The following AFAP1L2 variants were observed in gnomAD, a reference collection of about 807,000 sequenced individuals.
AFAP1L2 encodes the protein actin filament associated protein 1 like 2.
In AFAP1L2, 46 loss-of-function variants were observed where a neutral mutation model predicts 99.3. That is an observed-to-expected ratio of 0.46 (90% CI 0.37 to 0.59). The LOEUF is 0.59. AFAP1L2 is among the 20% of genes least tolerant of loss of function. The pLI, the probability that AFAP1L2 is intolerant of heterozygous loss-of-function variation, is 0.00. For synonymous variants in AFAP1L2, 397 were observed against 419.1 expected, an observed-to-expected ratio of 0.95 and a Z score of 0.64; for missense variants, 959 against 1,034.9, an observed-to-expected ratio of 0.93 and a Z score of 1.01.
At chr10:114,338,136 T>C (rs2048263821) in intron 2 of AFAP1L2, among the ~76,000 whole-genome samples, 4 of 152,222 alleles carry the variant, frequency 2.6e-5, no homozygotes, top group African/African-American at 9.6e-5. Flanking sequence ...TACGACTGCT[T>C]ATTCAGAGAA....
intron 1 of AFAP1L2, among the ~76,000 whole-genome samples, chr10:114,358,563 T>C (rs2051732196): frequency 6.6e-6 from 1 of 152,080 alleles, no homozygotes; most frequent in Non-Finnish European, 1.5e-5. Flanking sequence ...CTTCTTTCAA[T>C]GACAAATAAC....
intron 1 of AFAP1L2, among the ~76,000 whole-genome samples, chr10:114,372,287 C>T (rs2054220006): frequency 2.0e-5 from 3 of 152,234 alleles, no homozygotes; most frequent in Admixed American, 6.5e-5. Context: ...TGCCATTCTT[C>T]ATTCCAACAG....
downstream of AFAP1L2, among the ~76,000 whole-genome samples, chr10:114,293,534 G>C (rs1041349746): frequency 1.3e-5 from 2 of 152,050 alleles, no homozygotes; most frequent in African/African-American, 4.8e-5. Context: ...TTCAGCTTTT[G>C]TCAGTCCCCC....
intron 1 of AFAP1L2, among the ~76,000 whole-genome samples, chr10:114,373,237 T>C (rs2054357872): frequency 6.6e-6 from 1 of 152,152 alleles, no homozygotes; most frequent in African/African-American, 2.4e-5. Flanking sequence ...TGAGACCCTG[T>C]CTCAAATTTT....
At position 114,295,593 on chromosome 10, in the gene AFAP1L2, C is replaced by CAA; in HGVS notation, c.*447_*448dup. 2.0e-6 allele frequency: 2 copies of CAA among 988,368 alleles called. No homozygotes were observed. Among genetic ancestry groups the CAA allele is most frequent in the Non-Finnish European group, 2.4e-6 (2 of 832,018 alleles). The allele number at this position is 988,368 out of a possible 1,614,324, so 61.2% of individuals were successfully genotyped here. A position where few individuals can be genotyped will look rare whatever the true frequency, so the allele number is the denominator to read the frequency against. On this transcript the variant is annotated 3_prime_UTR_variant, in exon 19 of 19. Coordinates refer to ENST00000304129, the MANE Select transcript of AFAP1L2 (RefSeq NM_001001936.3). ...CTGAAGGCAAGGATGGTTTAATCCCCAACTGCTAAGTATTGGATAAGAGAT... is the reference window on the plus strand; with the variant it reads ...CTGAAGGCAAGGATGGTTTAATCCCCAAAACTGCTAAGTATTGGATAAGAGAT...
rs750004558 is a variant in AFAP1L2 at position 114,295,521 on chromosome 10, T to A, written c.*521A>T. The A allele has an allele frequency of 1.2e-5, 12 of 985,538 alleles. No individual in the cohort carries two copies. Among genetic ancestry groups the A allele is most frequent in the Non-Finnish European group, 1.4e-5 (12 of 830,086 alleles). 61.0% of individuals were successfully genotyped at this position (985,538 alleles called of 1,614,324 possible). A position where few individuals can be genotyped will look rare whatever the true frequency, so the allele number is the denominator to read the frequency against. On this transcript the variant is annotated 3_prime_UTR_variant, in exon 19 of 19. Transcript: ENST00000304129. ...GGTTTTACAGATGATGTCAATGCTGTTTAAAATCACTGAAGACTGAGTTGG... is the reference window on the plus strand; with the variant it reads ...GGTTTTACAGATGATGTCAATGCTGATTAAAATCACTGAAGACTGAGTTGG...
intron 3 of AFAP1L2, 58 bp downstream of exon 3, chr10:114,333,163 A>G: frequency 6.7e-7 from 1 of 1,488,844 alleles, no homozygotes; most frequent in Non-Finnish European, 9.4e-7. Flanking sequence ...ACCAGCTTGG[A>G]CCTTCCCCCA....
At chr10:114,344,966 G>A (rs555833366) in intron 1 of AFAP1L2, among the ~76,000 whole-genome samples, 1 of 151,994 alleles carries the variant, frequency 6.6e-6, no homozygotes, top group South Asian at 2.1e-4. Flanking sequence ...GGGTGGTGGC[G>A]TGCACCTGTA....
At chr10:114,348,084 TTA>T (rs1435400420) in intron 1 of AFAP1L2, among the ~76,000 whole-genome samples, 1 of 152,186 alleles carries the variant, frequency 6.6e-6, no homozygotes, top group African/African-American at 2.4e-5. Context: ...TCCCTTAGCA[TTA>T]TGTTTTCAAG....
Position 114,304,932 on chromosome 10 carries a change from T to C in AFAP1L2, c.1073-2A>G. On this transcript the variant is annotated splice_acceptor_variant, in intron 10 of 18. Transcript: ENST00000304129. LOFTEE classifies it high-confidence loss of function. The stretch of plus-strand genomic sequence containing the variant: ...TGTTCACCAGCACGTTCAGGTAACC[T>C]GCAGGAGGAAGTGCAGATGCAGGAG... The C allele has an allele frequency of 1.3e-6, 2 of 1,599,034 alleles. No individual in the cohort carries two copies. The highest frequency in any genetic ancestry group is 2.3e-5 in the East Asian group (1 of 43,684).
Position 114,323,236 on chromosome 10 carries a change from A to AAT in AFAP1L2, c.340_341insAT (p.Ile114AsnfsTer29), listed in dbSNP as rs772561046. ...GCCCTCTGGAGACTCCGTCTTTGGG[A>AAT]TGGCAAGCTGTTTCCGTTCTGGAAT... On this transcript the variant is annotated frameshift_variant, in exon 5 of 19. Transcript: ENST00000304129. LOFTEE classifies it high-confidence loss of function. 1.3e-6 allele frequency: 2 copies of AAT among 1,599,934 alleles called. No homozygotes were observed. The highest frequency in any genetic ancestry group is 1.7e-6 in the Non-Finnish European group (2 of 1,172,286).
chr10:114,320,698 C>T (rs796371305), intron 5 of AFAP1L2, among the ~76,000 whole-genome samples: 2 of 152,228 alleles, frequency 1.3e-5, no homozygotes, highest in Non-Finnish European at 2.9e-5. Context: ...AGAGACAAAA[C>T]CAAGAAGCGC....
At chr10:114,290,915 G>A (rs1332184043), downstream of AFAP1L2, among the ~76,000 whole-genome samples, 1 of 152,178 alleles carries the variant, frequency 6.6e-6, no homozygotes, top group Non-Finnish European at 1.5e-5. Flanking sequence ...GAGAGTGATC[G>A]TTGGGAGGCA....
chr10:114,291,701 C>T (rs142636620), downstream of AFAP1L2, among the ~76,000 whole-genome samples: 49 of 152,322 alleles, frequency 3.2e-4, no homozygotes, highest in African/African-American at 8.4e-4. Flanking sequence ...GCGAAGGCCA[C>T]GGCCTTTCAA....
chr10:114,297,934 A>G (rs1189820031), intron 16 of AFAP1L2, among the ~76,000 whole-genome samples: 1 of 152,202 alleles, frequency 6.6e-6, no homozygotes, highest in African/African-American at 2.4e-5. Context: ...CTGCTGGAGG[A>G]AAGGATGGTA....
At chr10:114,302,282 GCCT>G in intron 12 of AFAP1L2, 54 bp downstream of exon 12, 2 of 1,610,038 alleles carry the variant, frequency 1.2e-6, no homozygotes, top group Non-Finnish European at 1.7e-6. Flanking sequence ...CTGACCCAGG[GCCT>G]ACAGCATGGC....
intron 1 of AFAP1L2, among the ~76,000 whole-genome samples, chr10:114,349,144 G>A (rs531063009): frequency 2.0e-5 from 3 of 152,172 alleles, no homozygotes; most frequent in African/African-American, 7.2e-5. Context: ...TTGGGAGGCC[G>A]AGGTGGATGG....
At chr10:114,300,107 A>G in intron 15 of AFAP1L2, 87 bp downstream of exon 15, 4 of 1,567,402 alleles carry the variant, frequency 2.6e-6, no homozygotes, top group Non-Finnish European at 3.5e-6. Context: ...GCCCTTTCAT[A>G]TATACATCTA....
At position 114,310,370 on chromosome 10, in the gene AFAP1L2, C is replaced by T. The variant is rs149120116; in HGVS notation, c.866G>A (p.Arg289His). The T allele has an allele frequency of 3.3e-5, 54 of 1,613,804 alleles. No individual in the cohort carries two copies. Among genetic ancestry groups the T allele is most frequent in the Admixed American group, 2.3e-4 (14 of 59,958 alleles). Residue 289 changes from arginine (R) to histidine (H), a missense_variant, in exon 8 of 19, where the codon CGC (arginine) becomes CAC (histidine). Around this residue, in one of 2 missense-constraint regions of AFAP1L2, gnomAD observed 383 missense variants for 472.8 expected, o/e 0.81. Coordinates refer to ENST00000304129, the MANE Select transcript of AFAP1L2 (RefSeq NM_001001936.3). ...EGNQYTPDAQ[R>H]FNCQKPDIAE... ...GAGGCTTACTTTCTGGCAGTTAAAG[C>T]GCTGGGCATCCGGGGTGTACTGGTT... is the stretch of plus-strand genomic sequence containing the variant.
Sources: gnomAD v4.1 joint callset for allele counts (sites outside exome capture counted in the v4.1 genomes callset) on GRCh38, gnomAD v4.1.1 for gene constraint, gnomAD v4.1.1 regional missense constraint, MANE v1.5 for transcripts, NCBI Gene and HGNC (gene_info 2026-07-23, HGNC 2026-07-21) for gene names.